Variants in AK4 observed in about 807,000 individuals in gnomAD.
AK4 encodes adenylate kinase 4.
Under a neutral mutation model 24.6 loss-of-function variants are expected in AK4, and 13 were observed. The ratio of observed to expected loss-of-function variants is 0.53; its 90% CI spans 0.34 to 0.84. AK4 has a LOEUF of 0.84. Among genes scored for constraint, AK4 ranks in the 40% least tolerant of loss-of-function variants. The pLI, the probability that AK4 is intolerant of heterozygous loss-of-function variation, is 0.01. For synonymous variants in AK4, 88 were observed against 107.0 expected (o/e 0.82, Z 1.10); for missense variants, 192 against 288.2 (o/e 0.67, Z 2.42).
chr1:65,197,604 G>T (rs552780195), intron 2 of AK4, among the ~76,000 whole-genome samples: 128 of 152,314 alleles, frequency 8.4e-4, no homozygotes, highest in African/African-American at 2.9e-3. Flanking sequence ...TTGAATGTGT[G>T]CAGTGTTTGT....
chr1:65,215,125 C>A (rs1652086294), intron 2 of AK4, among the ~76,000 whole-genome samples: 1 of 151,688 alleles, frequency 6.6e-6, no homozygotes, highest in African/African-American at 2.4e-5. Flanking sequence ...AGGATCTGAG[C>A]ATCCATCATC....
At chr1:65,223,692 T>G (rs973500009) in intron 3 of AK4, among the ~76,000 whole-genome samples, 1 of 152,048 alleles carries the variant, frequency 6.6e-6, no homozygotes, top group African/African-American at 2.4e-5. Flanking sequence ...ATATACATTT[T>G]CAAATCAAAT....
At chr1:65,171,541 C>G (rs946523851) in intron 1 of AK4, among the ~76,000 whole-genome samples, 17 of 151,918 alleles carry the variant, frequency 1.1e-4, no homozygotes, top group Middle Eastern at 3.4e-3. Context: ...CCCTGACCTC[C>G]TGATCTGCCC....
rs143801759 is a variant in AK4 at position 65,174,083 on chromosome 1, C to T, written c.146-16627C>T. On this transcript the variant is annotated intron_variant, in intron 1 of 4. Transcript: ENST00000327299. Reference sequence around the variant, plus strand: ...GCTCTTTTCCCTTCTGGAGAGTCTGCTCTTTTTCTGTTCCTCAGCTTTCAA... The same window carrying T: ...GCTCTTTTCCCTTCTGGAGAGTCTGTTCTTTTTCTGTTCCTCAGCTTTCAA... Among the ~76,000 whole-genome samples, 203 of 152,248 alleles carry T rather than the reference C, an allele frequency of 1.3e-3. 2 individuals carry two copies. Among genetic ancestry groups the T allele is most frequent in the African/African-American group, 4.1e-3 (172 of 41,544 alleles).
At chr1:65,202,397 A>AAAAAT (rs1165575284) in intron 2 of AK4, among the ~76,000 whole-genome samples, 4 of 152,222 alleles carry the variant, frequency 2.6e-5, no homozygotes, top group East Asian at 1.9e-4. Context: ...ACTCCGTCTC[A>AAAAAT]AAAATAAAAT....
In AK4 at chr1:65,228,819, C is replaced by G. The variant is rs1291881968; in HGVS notation, c.*2642C>G. The G allele has an allele frequency of 2.6e-5, 4 of 151,902 alleles. No homozygotes were observed. The highest frequency in any genetic ancestry group is 2.6e-4 in the Admixed American group (4 of 15,254). The allele number at this position is 151,902 out of a possible 1,614,324, so 9.4% of individuals were successfully genotyped here. ...TAAGATGCCAACCTGACCTCGCATT[C>G]TGTCATTCTACCCAGCTCTTAATTC... On this transcript the variant is annotated 3_prime_UTR_variant, in exon 5 of 5. Transcript: ENST00000327299.
chr1:65,188,423 C>A (rs1348581344), intron 1 of AK4, among the ~76,000 whole-genome samples: 2 of 151,954 alleles, frequency 1.3e-5, no homozygotes, highest in Non-Finnish European at 2.9e-5. Flanking sequence ...AAAGTGGGGT[C>A]AAATGATTCT....
At chr1:65,149,740 A>C (rs1649702603) in intron 1 of AK4, among the ~76,000 whole-genome samples, 1 of 152,172 alleles carries the variant, frequency 6.6e-6, no homozygotes. Context: ...AGATTGAAAA[A>C]GCGGACTTTT....
At chr1:65,200,752 G>T (rs1651637761) in intron 2 of AK4, among the ~76,000 whole-genome samples, 1 of 152,016 alleles carries the variant, frequency 6.6e-6, no homozygotes, top group Non-Finnish European at 1.5e-5. Flanking sequence ...GACTAGGTGG[G>T]GCCTGGCTCT....
At chr1:65,157,050 T>C (rs1030632584) in intron 1 of AK4, among the ~76,000 whole-genome samples, 1 of 152,174 alleles carries the variant, frequency 6.6e-6, no homozygotes, top group Non-Finnish European at 1.5e-5. Context: ...TGAAATCTAA[T>C]GAGAAAAGTA....
At chr1:65,224,100 T>TA (rs1307334103) in intron 3 of AK4, among the ~76,000 whole-genome samples, 1 of 152,176 alleles carries the variant, frequency 6.6e-6, no homozygotes, top group Admixed American at 6.6e-5. Context: ...AAAGCTAAAA[T>TA]AAAGGATTTA....
At chr1:65,190,582 T>A in intron 1 of AK4, 128 bp from the exon 2 acceptor site, 1 of 1,066,976 alleles carries the variant, frequency 9.4e-7, no homozygotes. Context: ...ACTTAAAACA[T>A]GTCTACAACT....
chr1:65,215,826 G>T (rs1449557962), intron 2 of AK4, among the ~76,000 whole-genome samples: 1 of 152,178 alleles, frequency 6.6e-6, no homozygotes, highest in Non-Finnish European at 1.5e-5. Context: ...TAAGATTTGA[G>T]CTTTTATTTG....
At chr1:65,165,937 C>G (rs1553122449) in intron 1 of AK4, 1 of 152,170 alleles carries the variant, frequency 6.6e-6, no homozygotes, top group African/African-American at 2.4e-5. Flanking sequence ...GAGGGCAGTC[C>G]AGGCATGAAG....
intron 2 of AK4, among the ~76,000 whole-genome samples, chr1:65,196,420 T>C (rs1400728932): frequency 3.3e-5 from 5 of 152,140 alleles, no homozygotes; most frequent in African/African-American, 1.2e-4. Flanking sequence ...AGTTCAGCAC[T>C]ACCTTCCCTT....
At chr1:65,174,239 C>A (rs1017625794) in intron 1 of AK4, among the ~76,000 whole-genome samples, 2 of 151,964 alleles carry the variant, frequency 1.3e-5, no homozygotes, top group African/African-American at 4.8e-5. Context: ...AATGAAGGGC[C>A]CAGAGCAAAG....
rs1427447161 is a variant in AK4 at position 65,231,587 on chromosome 1, A to G, written c.*5410A>G. On this transcript the variant is annotated 3_prime_UTR_variant, in exon 5 of 5. Transcript: ENST00000327299. Reference sequence around the variant, plus strand: ...TTTTATAAAAATTATTCTTGTCTTCATTTTAAAGCTTTGGCTATATAGTCA... The same window carrying G: ...TTTTATAAAAATTATTCTTGTCTTCGTTTTAAAGCTTTGGCTATATAGTCA... 6.6e-6 allele frequency: 1 copy of G among 152,184 alleles called. No individual in the cohort carries two copies. Among genetic ancestry groups the G allele is most frequent in the East Asian group, 1.9e-4 (1 of 5,200 alleles). 9.4% of individuals were successfully genotyped at this position (152,184 alleles called of 1,614,324 possible). A position where few individuals can be genotyped will look rare whatever the true frequency, so the allele number is the denominator to read the frequency against.
intron 1 of AK4, among the ~76,000 whole-genome samples, chr1:65,156,019 A>C (rs1452069779): frequency 6.6e-6 from 1 of 152,004 alleles, no homozygotes; most frequent in Non-Finnish European, 1.5e-5. Flanking sequence ...TTATAGTATT[A>C]CTGTTTTGAA....
intron 1 of AK4, among the ~76,000 whole-genome samples, chr1:65,155,401 AG>A (rs1557436384): frequency 6.6e-6 from 1 of 152,048 alleles, no homozygotes. Flanking sequence ...TGAATCCAGG[AG>A]GCAGAGGTTG....
Sources: allele counts gnomAD v4.1 joint callset (sites outside exome capture counted in the v4.1 genomes callset), GRCh38; gene constraint gnomAD v4.1.1; transcripts MANE v1.5; gene names NCBI Gene and HGNC (gene_info 2026-07-23, HGNC 2026-07-21).